Variants in ARPC5L observed in about 807,000 individuals in gnomAD.
ARPC5L encodes actin related protein 2/3 complex subunit 5 like.
Under a neutral mutation model 16.9 loss-of-function variants are expected in ARPC5L, and 4 were observed. The ratio of observed to expected loss-of-function variants is 0.24; its 90% confidence interval spans 0.12 to 0.54. ARPC5L has a LOEUF of 0.54. Among genes scored for constraint, ARPC5L ranks in the 20% least tolerant of loss-of-function variants. The pLI is 0.95. For synonymous variants in ARPC5L, 78 were observed against 82.6 expected (o/e 0.94, Z 0.30); for missense variants, 151 against 201.9 (o/e 0.75, Z 1.53).
At position 124,862,150 on chromosome 9, in the gene ARPC5L, C is replaced by T. The variant is rs573999222; in HGVS notation, c.-1232C>T. ...GCCTCATTCACGGCACCCCTGATAG[C>T]GAGGTCGGCGTCACGGTGTAGGCGC... On this transcript the variant is annotated 5_prime_UTR_variant, in exon 1 of 6. Transcript: ENST00000353214. 4.2e-6 allele frequency: 2 copies of T among 478,938 alleles called. No individual in the cohort carries two copies. Among genetic ancestry groups the T allele is most frequent in the South Asian group, 7.6e-5 (2 of 26,172 alleles). 29.7% of individuals were successfully genotyped at this position (478,938 alleles called of 1,614,324 possible).
rs369036007 is a variant in ARPC5L, at chr9:124,867,558, G to C, written c.-863-870G>C. Among the ~76,000 whole-genome samples, 18 of 150,668 alleles carry C rather than the reference G, an allele frequency of 1.2e-4. 1 individual carries two copies. The East Asian group carries it at 3.3e-3, about 27-fold the overall frequency. ...ATGGATTTTTAAATTGTGTCTCCCT[G>C]GCTGGAATGAAAGTCCATGACCATG... On this transcript the variant is annotated intron_variant, in intron 2 of 5. Transcript: ENST00000353214.
chr9:124,875,351 A>G (rs1049677043), intron 5 of ARPC5L, among the ~76,000 whole-genome samples, 200 bp downstream of exon 5: 1 of 152,188 alleles, frequency 6.6e-6, no homozygotes, highest in Non-Finnish European at 1.5e-5. Flanking sequence ...TGGTAATTGC[A>G]GTTACTTTTT....
intron 2 of ARPC5L, among the ~76,000 whole-genome samples, chr9:124,865,924 G>A (rs944582500): frequency 1.5e-4 from 23 of 151,964 alleles, no homozygotes; most frequent in African/African-American, 5.3e-4. Context: ...GACCAACATG[G>A]TGAAAACCTG....
intron 4 of ARPC5L, 119 bp downstream of exon 4, chr9:124,873,883 G>C: frequency 1.6e-6 from 2 of 1,262,284 alleles, no homozygotes; most frequent in Non-Finnish European, 2.3e-6. Flanking sequence ...ACTGGGCGGG[G>C]CTTCCAGGGA....
chr9:124,874,001 T>C (rs945094061), intron 4 of ARPC5L, among the ~76,000 whole-genome samples: 1 of 152,230 alleles, frequency 6.6e-6, no homozygotes, highest in African/African-American at 2.4e-5. Context: ...CACGGCCTCG[T>C]AGGCTGAGAA....
chr9:124,862,775 C>T (rs998079428), intron 1 of ARPC5L, among the ~76,000 whole-genome samples: 1 of 152,188 alleles, frequency 6.6e-6, no homozygotes, highest in African/African-American at 2.4e-5. Context: ...ATCCCCTCGC[C>T]TCGGCCTCCC....
intron 3 of ARPC5L, among the ~76,000 whole-genome samples, chr9:124,870,568 A>T (rs900389002): frequency 6.6e-6 from 1 of 152,090 alleles, no homozygotes; most frequent in Non-Finnish European, 1.5e-5. Flanking sequence ...TTCAGACTTG[A>T]TTTGAACAGG....
In ARPC5L at chr9:124,869,401, A is replaced by T; in HGVS notation, c.111A>T (p.Pro37=). The change falls in exon 3 of 6, where the codon CCA becomes CCT. Residue 37 remains proline, a synonymous_variant. Coordinates refer to ENST00000353214, the MANE Select transcript of ARPC5L (RefSeq NM_030978.3). ...QEEAAAAAAE[P]GPDPSEVDGL... ...AGGCGGCGGCGGCGGCGGCGGAGCC[A>T]GGCCCGGACCCGAGCGAGGTGGACG... 6.6e-7 allele frequency: 1 copy of T among 1,508,778 alleles called. No individual in the cohort carries two copies. The highest frequency in any genetic ancestry group is 8.9e-7 in the Non-Finnish European group (1 of 1,128,318). 93.5% of individuals were successfully genotyped at this position (1,508,778 alleles called of 1,614,324 possible).
chr9:124,869,482 C>T (rs1161408602), intron 3 of ARPC5L, 43 bp downstream of exon 3: 4 of 1,415,992 alleles, frequency 2.8e-6, no homozygotes, highest in Non-Finnish European at 3.7e-6. Context: ...GCGCGGCCTT[C>T]TCACCTTCCC....
chr9:124,869,381 G>A lies in ARPC5L; in HGVS notation c.91G>A (p.Ala31Thr), dbSNP rs1297837175. ...NKFVDEQEEA[A>T]AAAAEPGPDP... is the part of the protein sequence containing the mutation. ...ATTTGTGGACGAGCAGGAGGAGGCGGCGGCGGCGGCGGCGGAGCCAGGCCC... is the reference window on the plus strand; with the variant it reads ...ATTTGTGGACGAGCAGGAGGAGGCGACGGCGGCGGCGGCGGAGCCAGGCCC... The change falls in exon 3 of 6, where the codon GCG becomes ACG. Residue 31 changes from alanine (A) to threonine (T), a missense_variant. Coordinates refer to ENST00000353214, the MANE Select transcript of ARPC5L (RefSeq NM_030978.3). 27 of 1,513,460 alleles carry A rather than the reference G, an allele frequency of 1.8e-5. No homozygotes were observed. The highest frequency in any genetic ancestry group is 2.9e-5 in the African/African-American group (2 of 68,984). 93.8% of individuals were successfully genotyped at this position (1,513,460 alleles called of 1,614,324 possible). A position where few individuals can be genotyped will look rare whatever the true frequency, so the allele number is the denominator to read the frequency against.
chr9:124,873,632 C>T (rs915309881), intron 3 of ARPC5L, 60 bp from the exon 4 acceptor site: 5 of 1,587,432 alleles, frequency 3.1e-6, no homozygotes, highest in Middle Eastern at 1.7e-4. Context: ...CTGAAGTGAG[C>T]TTGTTCATGA....
intron 1 of ARPC5L, 25 bp downstream of exon 1, chr9:124,862,423 G>A (rs1829216097): frequency 6.4e-6 from 1 of 155,552 alleles, no homozygotes; most frequent in Non-Finnish European, 1.4e-5. Context: ...AGATGGACGG[G>A]AGGGGCGGGC....
chr9:124,877,105 C>CT lies in ARPC5L; in HGVS notation c.*166dup. On this transcript the variant is annotated 3_prime_UTR_variant, in exon 6 of 6. Coordinates refer to ENST00000353214, the MANE Select transcript of ARPC5L (RefSeq NM_030978.3). Reference sequence around the variant, plus strand: ...TTTTCAAGGTGGAGGGGAAAATCGTCTGTTTCCTAAATCCTGTTTAGGATC... The same window carrying CT: ...TTTTCAAGGTGGAGGGGAAAATCGTCTTGTTTCCTAAATCCTGTTTAGGATC... The CT allele has an allele frequency of 1.6e-6, 1 of 628,152 alleles. No individual in the cohort carries two copies. The highest frequency in any genetic ancestry group is 2.7e-6 in the Non-Finnish European group (1 of 366,778). 38.9% of individuals were successfully genotyped at this position (628,152 alleles called of 1,614,324 possible).
intron 3 of ARPC5L, among the ~76,000 whole-genome samples, chr9:124,871,283 A>G (rs1829355947): frequency 1.3e-5 from 2 of 152,220 alleles, no homozygotes; most frequent in Admixed American, 6.5e-5. Flanking sequence ...CTGCACTACC[A>G]TGCTCTGGCT....
chr9:124,865,965 C>T (rs902979720), intron 2 of ARPC5L, among the ~76,000 whole-genome samples: 1 of 151,742 alleles, frequency 6.6e-6, no homozygotes, highest in African/African-American at 2.4e-5. Context: ...ATTAGCCAGG[C>T]GTGGTGGTGT....
Position 124,876,947 on chromosome 9 carries a change from TA to T in ARPC5L, c.*12del, listed in dbSNP as rs374043264. 2 of 1,607,820 alleles carry T rather than the reference TA, an allele frequency of 1.2e-6. No homozygotes were observed. Among genetic ancestry groups the T allele is most frequent in the East Asian group, 2.2e-5 (1 of 44,748 alleles). Reference sequence around the variant, plus strand: ...AGCAAGAAAGACTGTTTAAAAAAAATAAAAAGACTCATGTTACCTTGAGAAG... The same window carrying T: ...AGCAAGAAAGACTGTTTAAAAAAAATAAAAGACTCATGTTACCTTGAGAAG... On this transcript the variant is annotated 3_prime_UTR_variant, in exon 6 of 6. Transcript: ENST00000353214.
intron 5 of ARPC5L, among the ~76,000 whole-genome samples, chr9:124,876,561 G>A (rs1299928769): frequency 6.6e-6 from 1 of 152,202 alleles, no homozygotes; most frequent in Non-Finnish European, 1.5e-5. Flanking sequence ...CTTCAACCCA[G>A]GACATCAAGG....
In ARPC5L at chr9:124,869,158, C is replaced by G. The variant is rs1490964698; in HGVS notation, c.-133C>G. The stretch of plus-strand genomic sequence containing the variant: ...GTGGGCGGGCGGCGGCGGCTGCGCG[C>G]GGAGGCGGTGGAGGAGGTGCTGGGA... On this transcript the variant is annotated 5_prime_UTR_variant, in exon 3 of 6. Coordinates refer to ENST00000353214, the MANE Select transcript of ARPC5L (RefSeq NM_030978.3). 6 of 1,049,580 alleles carry G rather than the reference C, an allele frequency of 5.7e-6. No homozygotes were observed. The highest frequency in any genetic ancestry group is 7.4e-6 in the Non-Finnish European group (6 of 811,840). 65.0% of individuals were successfully genotyped at this position (1,049,580 alleles called of 1,614,324 possible).
chr9:124,874,459 G>C (rs887224544), intron 4 of ARPC5L, among the ~76,000 whole-genome samples: 1 of 152,204 alleles, frequency 6.6e-6, no homozygotes, highest in African/African-American at 2.4e-5. Flanking sequence ...AGCACTTTGG[G>C]AGGCAGGAGG....
Sources: gnomAD v4.1 joint callset for allele counts (sites outside exome capture counted in the v4.1 genomes callset) on GRCh38, gnomAD v4.1.1 for gene constraint, MANE v1.5 for transcripts, NCBI Gene and HGNC (gene_info 2026-07-23, HGNC 2026-07-21) for gene names.